PFDN6: variants seen among roughly 807,000 people sequenced by gnomAD.
PFDN6 encodes HLA class II region expressed gene KE2.
A neutral mutation model predicts 19.3 loss-of-function variants in PFDN6; 5 were observed. That is an observed-to-expected ratio of 0.26 (90% CI 0.14 to 0.55). PFDN6 has a LOEUF of 0.55. Ranked by LOEUF, PFDN6 falls within the 20% of genes least tolerant of loss-of-function variation. The pLI is 0.94. For synonymous variants in PFDN6, 51 were observed against 63.4 expected (o/e 0.80, Z 0.93); for missense variants, 101 against 149.4 (o/e 0.68, Z 1.69).
Position 33,290,781 on chromosome 6 carries a change from C to G in PFDN6, c.326C>G (p.Ala109Gly), listed in dbSNP as rs768204286. 1.2e-6 allele frequency: 2 copies of G among 1,609,302 alleles called. No homozygotes were observed. The highest frequency in any genetic ancestry group is 1.7e-5 in the Admixed American group (1 of 59,980). ...TCAGAGCAACAGAGGGAGACCCTTGCTCAGCTGCAGCAGGAGTTCCAGCGG... is the reference window on the plus strand; with the variant it reads ...TCAGAGCAACAGAGGGAGACCCTTGGTCAGCTGCAGCAGGAGTTCCAGCGG... ...RQSEQQRETLAQLQQEFQRAQ... is the reference protein window; with the variant it reads ...RQSEQQRETLGQLQQEFQRAQ... The change falls in exon 4 of 4, where the codon GCT becomes GGT. Residue 109 changes from alanine (A) to glycine (G), a missense_variant. Transcript: ENST00000374606.
In PFDN6 at chr6:33,290,756, T is replaced by G; in HGVS notation, c.301T>G (p.Ser101Ala). 6.2e-7 allele frequency: 1 copy of G among 1,612,052 alleles called. No homozygotes were observed. Reference protein sequence around the residue: ...ESQLRDLERQSEQQRETLAQL... With the variant: ...ESQLRDLERQAEQQRETLAQL... ...CCAGCTTCGGGATCTTGAGCGGCAG[T>G]CAGAGCAACAGAGGGAGACCCTTGC... The change falls in exon 4 of 4, where the codon TCA becomes GCA. Residue 101 changes from serine to alanine, a missense_variant. Physicochemically the swap from Ser to Ala is moderately conservative, Grantham distance 99. Around this residue, in one of 2 missense-constraint regions of PFDN6, gnomAD observed 47 missense variants for 40.6 expected, o/e 1.16. Transcript: ENST00000374606.
In PFDN6 at chr6:33,289,660, T is replaced by G; in HGVS notation, c.-197T>G. On this transcript the variant is annotated 5_prime_UTR_variant, in exon 1 of 4. Transcript: ENST00000374606. The stretch of plus-strand genomic sequence containing the variant: ...ATTTCGGTTGAGAGGCTTGGGGTCT[T>G]GCGTTTCGCCCACCATCTCCTGGGG... 1.8e-6 allele frequency: 1 copy of G among 553,392 alleles called. No individual in the cohort carries two copies. Among genetic ancestry groups the G allele is most frequent in the Non-Finnish European group, 2.9e-6 (1 of 340,224 alleles). The allele number at this position is 553,392 out of a possible 1,614,324, so 34.3% of individuals were successfully genotyped here.
upstream of PFDN6, chr6:33,289,255 C>G: frequency 6.5e-7 from 1 of 1,539,296 alleles, no homozygotes; most frequent in Non-Finnish European, 8.7e-7. Flanking sequence ...AGCCCTCTGT[C>G]CTTCATCCAA....
chr6:33,289,965 C>A, intron 1 of PFDN6, 45 bp downstream of exon 1: 1 of 1,531,100 alleles, frequency 6.5e-7, no homozygotes, highest in Non-Finnish European at 8.9e-7. Flanking sequence ...GCACTTACAA[C>A]CCAAAGCCAT....
At chr6:33,289,359 G>T (rs975696491), upstream of PFDN6, 46 of 1,339,354 alleles carry the variant, frequency 3.4e-5, no homozygotes, top group Non-Finnish European at 3.8e-5. Context: ...GCACCTTATC[G>T]CGAGCGGCAG....
At chr6:33,290,106 C>T in intron 1 of PFDN6, 68 bp from the exon 2 acceptor site, 1 of 1,528,042 alleles carries the variant, frequency 6.5e-7, no homozygotes, top group Non-Finnish European at 9.1e-7. Context: ...TCCATATCCA[C>T]CTGACTAGGA....
upstream of PFDN6, chr6:33,289,437 C>A: frequency 7.7e-7 from 1 of 1,296,554 alleles, no homozygotes; most frequent in Non-Finnish European, 9.8e-7. Flanking sequence ...GGTGCGGTTT[C>A]TTTTTCTGGA....
chr6:33,289,585 G>T (rs1767096556), upstream of PFDN6: 3 of 690,840 alleles, frequency 4.3e-6, no homozygotes, highest in African/African-American at 3.7e-5. Context: ...AGCATTCCTT[G>T]TTTACTTCCG....
chr6:33,289,496 A>T (rs1409653299), upstream of PFDN6: 8 of 1,216,214 alleles, frequency 6.6e-6, no homozygotes, highest in Non-Finnish European at 2.1e-6. Flanking sequence ...TCTTTTTAGC[A>T]GAACTCCACT....
chr6:33,290,655 C>T, intron 3 of PFDN6, 61 bp from the exon 4 acceptor site: 1 of 1,583,438 alleles, frequency 6.3e-7, no homozygotes, highest in Non-Finnish European at 8.6e-7. Flanking sequence ...GCGTTTAGCA[C>T]TCTCCATAGT....
chr6:33,290,301 C>G (rs1245827888), intron 2 of PFDN6, 25 bp from the exon 3 acceptor site: 21 of 1,611,434 alleles, frequency 1.3e-5, no homozygotes, highest in Non-Finnish European at 1.7e-5. Context: ...TGGTTCTGAT[C>G]ACATATGTCC....
chr6:33,290,323 C>T lies in PFDN6; in HGVS notation c.136-3C>T. On this transcript the variant is annotated splice_region_variant and splice_polypyrimidine_tract_variant and intron_variant, in intron 2 of 3. Transcript: ENST00000374606. ...GATCACATATGTCCCATCCCTCCATCAGGAACTGGCCCTGCTGGATGGGTC... is the reference window on the plus strand; with the variant it reads ...GATCACATATGTCCCATCCCTCCATTAGGAACTGGCCCTGCTGGATGGGTC... 1 of 1,609,866 alleles carries T rather than the reference C, an allele frequency of 6.2e-7. No homozygotes were observed. The highest frequency in any genetic ancestry group is 1.1e-5 in the South Asian group (1 of 90,816).
chr6:33,289,723 G>GC lies in PFDN6; in HGVS notation c.-133dup. 1 of 669,694 alleles carries GC rather than the reference G, an allele frequency of 1.5e-6. No homozygotes were observed. The highest frequency in any genetic ancestry group is 2.9e-5 in the South Asian group (1 of 34,770). 41.5% of individuals were successfully genotyped at this position (669,694 alleles called of 1,614,324 possible). ...CGATATCCGGGACGGGGGGGAGGTT[G>GC]CGGTGCCCCTCAGGGCTACCTCTCA... is the stretch of plus-strand genomic sequence containing the variant. On this transcript the variant is annotated 5_prime_UTR_variant, in exon 1 of 4. Transcript: ENST00000374606.
chr6:33,289,308 A>G (rs1174024368), upstream of PFDN6: 12 of 1,455,660 alleles, frequency 8.2e-6, no homozygotes, highest in South Asian at 1.4e-5. Flanking sequence ...TGCCATCTTG[A>G]GTGAGGGCAC....
At chr6:33,289,237 C>T, upstream of PFDN6, 1 of 1,563,864 alleles carries the variant, frequency 6.4e-7, no homozygotes, top group South Asian at 1.2e-5. Context: ...GGCTTGAAAA[C>T]TCCCGGAAGC....
chr6:33,289,995 GC>G, intron 1 of PFDN6, 75 bp downstream of exon 1: 1 of 1,432,752 alleles, frequency 7.0e-7, no homozygotes, highest in Non-Finnish European at 9.7e-7. Context: ...AAGGTTTGTT[GC>G]CCCATCTGGG....
chr6:33,289,947 C>T, intron 1 of PFDN6, 27 bp downstream of exon 1: 1 of 1,575,724 alleles, frequency 6.3e-7, no homozygotes, highest in Non-Finnish European at 8.7e-7. Flanking sequence ...GGTATGGTCT[C>T]GCCCAATGCA....
At chr6:33,290,642 C>G (rs1308566688) in intron 3 of PFDN6, 74 bp from the exon 4 acceptor site, 1 of 1,556,724 alleles carries the variant, frequency 6.4e-7, no homozygotes, top group Non-Finnish European at 8.8e-7. Flanking sequence ...CTATCTCTTT[C>G]TTGCGTTTAG....
chr6:33,289,238 T>A, upstream of PFDN6: 3 of 1,563,104 alleles, frequency 1.9e-6, no homozygotes, highest in South Asian at 2.4e-5. Flanking sequence ...GCTTGAAAAC[T>A]CCCGGAAGCC....
Sources: gnomAD v4.1 joint callset for allele counts on GRCh38, gnomAD v4.1.1 for gene constraint, gnomAD v4.1.1 regional missense constraint, MANE v1.5 for transcripts, NCBI Gene and HGNC (gene_info 2026-07-23, HGNC 2026-07-21) for gene names.